Variants in ARSB observed in about 807,000 individuals in gnomAD.
ARSB encodes N-acetylgalactosamine-4-sulfatase.
A neutral mutation model predicts 50.9 loss-of-function variants in ARSB; 41 were observed. That is an observed-to-expected ratio of 0.81 (90% CI 0.63 to 1.04). The LOEUF (loss-of-function observed/expected upper bound fraction) is 1.04. Among genes scored for constraint, ARSB ranks in the 50% least tolerant of loss-of-function variants. The pLI is 0.00. For missense variants in ARSB, 672 were observed against 693.3 expected, an observed-to-expected ratio of 0.97 and a Z score of 0.35; for synonymous variants, 269 against 284.8, an observed-to-expected ratio of 0.94 and a Z score of 0.56.
intron 4 of ARSB, among the ~76,000 whole-genome samples, chr5:78,900,610 T>C (rs1748760099): frequency 6.6e-6 from 1 of 152,162 alleles, no homozygotes; most frequent in Non-Finnish European, 1.5e-5. Flanking sequence ...ACTTGAACTC[T>C]GGGTTGTTGC....
intron 5 of ARSB, among the ~76,000 whole-genome samples, chr5:78,861,158 T>C (rs1365595499): frequency 6.6e-6 from 1 of 152,092 alleles, no homozygotes; most frequent in East Asian, 1.9e-4. Context: ...ACCAGACGGA[T>C]TCACAGCCGA....
At chr5:78,811,487 G>A (rs1408016035) in intron 6 of ARSB, among the ~76,000 whole-genome samples, 1 of 152,160 alleles carries the variant, frequency 6.6e-6, no homozygotes, top group Admixed American at 6.5e-5. Flanking sequence ...TGAGGATTAT[G>A]AGACAAGGGT....
chr5:78,784,945 C>T (rs1242215433), intron 6 of ARSB, among the ~76,000 whole-genome samples: 1 of 151,924 alleles, frequency 6.6e-6, no homozygotes, highest in Non-Finnish European at 1.5e-5. Context: ...ATTACAGGTG[C>T]ATGCCACCAT....
chr5:78,840,051 T>G (rs1284889517), intron 5 of ARSB, among the ~76,000 whole-genome samples: 1 of 152,192 alleles, frequency 6.6e-6, no homozygotes, highest in Non-Finnish European at 1.5e-5. Flanking sequence ...TTCTTACAAA[T>G]GATGAAGGTA....
At chr5:78,808,236 C>G (rs983054376) in intron 6 of ARSB, among the ~76,000 whole-genome samples, 1 of 151,892 alleles carries the variant, frequency 6.6e-6, no homozygotes, top group African/African-American at 2.4e-5. Context: ...CCTCCCACCC[C>G]CTCCTCCCCA....
chr5:78,949,057 T>C (rs2112464505), intron 4 of ARSB, among the ~76,000 whole-genome samples: 1 of 152,344 alleles, frequency 6.6e-6, no homozygotes, highest in African/African-American at 2.4e-5. Flanking sequence ...CACAATGTTG[T>C]GCAGCCATCA....
In ARSB at chr5:78,887,679, G is replaced by A. The variant is rs142839955; in HGVS notation, c.899-1852C>T. On this transcript the variant is annotated intron_variant, in intron 4 of 7. Coordinates refer to ENST00000264914, the MANE Select transcript of ARSB (RefSeq NM_000046.5). ...TTTAGTATTATAACCATTTTGTCACGTTTTTTAAAAGGAAGTTTGAAAAAG... is the reference window on the plus strand; with the variant it reads ...TTTAGTATTATAACCATTTTGTCACATTTTTTAAAAGGAAGTTTGAAAAAG... Among the ~76,000 whole-genome samples, 176 of 152,260 alleles carry A rather than the reference G, an allele frequency of 1.2e-3. 1 individual carries two copies. The highest frequency in any genetic ancestry group is 3.9e-3 in the African/African-American group (160 of 41,556).
chr5:78,819,794 G>A lies in ARSB; in HGVS notation c.1213+19562C>T, dbSNP rs1474583164. Among the ~76,000 whole-genome samples the A allele has an allele frequency of 2.6e-5, 4 of 152,220 alleles. No homozygotes were observed. The East Asian group carries it at 7.7e-4, about 29-fold the overall frequency. On this transcript the variant is annotated intron_variant, in intron 6 of 7. Transcript: ENST00000264914. ...GAGAGGAAAAAGGCAGAGCCAAGGG[G>A]CCTGGGAGGCCAAGTGCTTTAGGAC...
chr5:78,892,137 T>G (rs963155363), intron 4 of ARSB, among the ~76,000 whole-genome samples: 3 of 152,124 alleles, frequency 2.0e-5, no homozygotes, highest in Non-Finnish European at 2.9e-5. Context: ...TATCTGGATA[T>G]TTACTAAACA....
intron 5 of ARSB, among the ~76,000 whole-genome samples, chr5:78,840,400 TCA>T (rs1281475677): frequency 6.6e-6 from 1 of 152,146 alleles, no homozygotes; most frequent in African/African-American, 2.4e-5. Context: ...CACGCCAAAC[TCA>T]CAGTTAGCTG....
rs181750106 is a variant in ARSB, at chr5:78,914,343, T to C, written c.899-28516A>G. Among the ~76,000 whole-genome samples, 171 of 152,322 alleles carry C rather than the reference T, an allele frequency of 1.1e-3. 1 individual carries two copies. The highest frequency in any genetic ancestry group is 3.8e-3 in the African/African-American group (159 of 41,568). On this transcript the variant is annotated intron_variant, in intron 4 of 7. Transcript: ENST00000264914. ...AATGAACAAATAATAAGGATTTCTT[T>C]CAAAAGCTGACTTTAAATCTAAAAT... is the stretch of plus-strand genomic sequence containing the variant.
At chr5:78,978,097 G>T (rs1752742400) in intron 1 of ARSB, among the ~76,000 whole-genome samples, 1 of 152,168 alleles carries the variant, frequency 6.6e-6, no homozygotes, top group African/African-American at 2.4e-5. Flanking sequence ...CCAACACTTT[G>T]GGAGGCCAAG....
intron 4 of ARSB, among the ~76,000 whole-genome samples, chr5:78,930,238 T>G (rs953006350): frequency 1.8e-4 from 27 of 152,172 alleles, no homozygotes; most frequent in African/African-American, 6.5e-4. Flanking sequence ...CACCTCTATT[T>G]CTTTTATATT....
chr5:78,885,744 C>G lies in ARSB; in HGVS notation c.982G>C (p.Gly328Arg), dbSNP rs748454316. ...KWSLWEGGVRGVGFVASPLLK... is the reference protein window; with the variant it reads ...KWSLWEGGVRRVGFVASPLLK... ...AAGGGGCTTGCCACAAAGCCCACCC[C>G]TCGGACGCCTCCTTCCCACAGGCTC... Residue 328 changes from glycine to arginine, a missense_variant, in exon 5 of 8, where the codon GGG becomes CGG. By Grantham distance (125) the Gly-to-Arg change is moderately radical. Coordinates refer to ENST00000264914, the MANE Select transcript of ARSB (RefSeq NM_000046.5). 1 of 1,614,170 alleles carries G rather than the reference C, an allele frequency of 6.2e-7. No individual in the cohort carries two copies.
chr5:78,970,677 G>C (rs1185322436), intron 1 of ARSB, among the ~76,000 whole-genome samples: 3 of 152,202 alleles, frequency 2.0e-5, no homozygotes, highest in Non-Finnish European at 4.4e-5. Context: ...CTCTGGGCCA[G>C]GCGGGGTGGC....
intron 6 of ARSB, among the ~76,000 whole-genome samples, chr5:78,823,006 G>T (rs1744298200): frequency 1.3e-5 from 2 of 152,098 alleles, no homozygotes; most frequent in South Asian, 4.1e-4. Context: ...TTATTATTTT[G>T]TGGTTTTTCC....
chr5:78,937,270 A>ACGTATAT (rs1554084154), intron 4 of ARSB, among the ~76,000 whole-genome samples: 1 of 132,206 alleles, frequency 7.6e-6, no homozygotes, highest in Non-Finnish European at 1.6e-5. Flanking sequence ...TATATATCTT[A>ACGTATAT]CATATATATG....
At chr5:78,854,324 G>A (rs3098683) in intron 5 of ARSB, among the ~76,000 whole-genome samples, 6,536 of 152,286 alleles carry the variant, frequency 0.043, 204 homozygotes, top group Non-Finnish European at 0.065. Flanking sequence ...CTACGTTGCT[G>A]ATTGGAAATC....
intron 4 of ARSB, among the ~76,000 whole-genome samples, chr5:78,922,262 G>A (rs553355385): frequency 5.9e-5 from 9 of 152,092 alleles, no homozygotes; most frequent in Admixed American, 5.2e-4. Flanking sequence ...CCAAGGGAGT[G>A]CAGCTCGCAG....
Sources: allele counts gnomAD v4.1 joint callset (sites outside exome capture counted in the v4.1 genomes callset), GRCh38; gene constraint gnomAD v4.1.1; transcripts MANE v1.5; gene names NCBI Gene and HGNC (gene_info 2026-07-23, HGNC 2026-07-21).